The following ANK2 variants were observed in gnomAD, a reference collection of about 807,000 sequenced individuals.
ANK2 encodes ankyrin 2.
In ANK2, 83 loss-of-function variants were observed where a neutral mutation model predicts 360.5. The observed-to-expected ratio is 0.23, with a 90% CI of 0.19 to 0.28. ANK2 has a LOEUF of 0.28. Among genes scored for constraint, ANK2 ranks in the 10% least tolerant of loss-of-function variants. ANK2 has a pLI of 1.00. For missense variants in ANK2, 4,201 were observed against 4,795.7 expected, an observed-to-expected ratio of 0.88 and a Z score of 3.66; for synonymous variants, 1,740 against 1,759.5, an observed-to-expected ratio of 0.99 and a Z score of 0.28.
intron 23 of ANK2, among the ~76,000 whole-genome samples, chr4:113,309,966 T>C (rs2079075552): frequency 6.6e-6 from 1 of 152,220 alleles, no homozygotes; most frequent in South Asian, 2.1e-4. Context: ...GTGGTTGATT[T>C]GCATGTTCTA....
Position 113,237,602 on chromosome 4 carries a change from A to T in ANK2, c.673A>T (p.Met225Leu), listed in dbSNP as rs1563087315. The T allele has an allele frequency of 6.2e-7, 1 of 1,609,540 alleles. No individual in the cohort carries two copies. Among genetic ancestry groups the T allele is most frequent in the Non-Finnish European group, 8.5e-7 (1 of 1,175,902 alleles). The change falls in exon 7 of 46, where the codon ATG becomes TTG. Residue 225 changes from methionine to leucine, a missense_variant. By Grantham distance (15) the Met-to-Leu change is conservative. Coordinates refer to ENST00000357077, the MANE Select transcript of ANK2 (RefSeq NM_001148.6). ...DHNADVQSKM[M>L]VNRTTESGFT... ...CTTCCAAACAACACTGCTTCAGATGATGGTGAATAGGACAACTGAGGTACA... is the reference window on the plus strand; with the variant it reads ...CTTCCAAACAACACTGCTTCAGATGTTGGTGAATAGGACAACTGAGGTACA...
intron 2 of ANK2, among the ~76,000 whole-genome samples, chr4:113,029,575 G>C (rs1466368697): frequency 6.6e-6 from 1 of 152,004 alleles, no homozygotes; most frequent in Non-Finnish European, 1.5e-5. Context: ...CGTGGCCGGA[G>C]TTCTTCTTTA....
the ANK2 span, among the ~76,000 whole-genome samples, chr4:112,720,741 A>G: frequency 3.9e-5 from 6 of 152,230 alleles, no homozygotes; most frequent in Admixed American, 6.5e-5. Flanking sequence ...TGGTTTTATA[A>G]TGTGCTTTTA....
Position 113,356,334 on chromosome 4 carries a change from T to G in ANK2, c.7716T>G (p.Asp2572Glu), listed in dbSNP as rs1250594788. 1.2e-6 allele frequency: 2 copies of G among 1,614,072 alleles called. No homozygotes were observed. The highest frequency in any genetic ancestry group is 1.1e-5 in the South Asian group (1 of 91,078). Residue 2572 changes from aspartate to glutamate, a missense_variant, in exon 38 of 46, where the codon GAT (aspartate) becomes GAG (glutamate). By Grantham distance (45) the Asp-to-Glu change is conservative (BLOSUM62 2). Transcript: ENST00000357077. The part of the protein sequence containing the change: ...PAVIHECAEE[D>E]DSENGEKKRF... ...TGATTCATGAATGTGCAGAGGAGGA[T>G]GATTCAGAAAACGGGGAGAAAAAGA...
the ANK2 span, among the ~76,000 whole-genome samples, chr4:112,733,218 A>T: frequency 1.3e-5 from 2 of 151,914 alleles, no homozygotes; most frequent in East Asian, 1.9e-4. Flanking sequence ...GCTGCCTCAA[A>T]AATAATAATA....
Position 112,870,232 on chromosome 4 carries a change from G to A in ANK2, c.-39-34223G>A, listed in dbSNP as rs187716936. On this transcript the variant is annotated intron_variant, in intron 1 of 30. Coordinates refer to the ANK2 transcript ENST00000503271. The stretch of plus-strand genomic sequence containing the variant: ...TGGTCTTGAACTCCTGACCTCAAGT[G>A]ATCAGCCTACTTCGGCCTCCCAAAG... Among the ~76,000 whole-genome samples the A allele has an allele frequency of 2.6e-5, 4 of 152,180 alleles. No homozygotes were observed. In the East Asian group the frequency reaches 7.7e-4, roughly 29 times the overall value.
intron 1 of ANK2, among the ~76,000 whole-genome samples, chr4:112,890,857 A>G (rs969291450): frequency 6.6e-6 from 1 of 152,028 alleles, no homozygotes; most frequent in East Asian, 1.9e-4. Context: ...GTGAGCCACT[A>G]CGCCCGGCCT....
At chr4:112,831,326 C>T (rs1322427632) in intron 1 of ANK2, among the ~76,000 whole-genome samples, 1 of 152,208 alleles carries the variant, frequency 6.6e-6, no homozygotes, top group Non-Finnish European at 1.5e-5. Flanking sequence ...TGTAAATGCA[C>T]CAATCAGCAC....
At chr4:112,886,996 C>T (rs1477284901) in intron 1 of ANK2, among the ~76,000 whole-genome samples, 3 of 152,132 alleles carry the variant, frequency 2.0e-5, no homozygotes, top group East Asian at 3.8e-4. Context: ...TTAACACATT[C>T]GTCAAGATCT....
intron 2 of ANK2, among the ~76,000 whole-genome samples, chr4:113,010,145 T>G (rs754542019): frequency 3.9e-5 from 6 of 152,192 alleles, no homozygotes; most frequent in African/African-American, 9.6e-5. Context: ...TGTGTGATTC[T>G]TATTTGAAGA....
At chr4:113,252,579 C>G (rs551108384) in intron 10 of ANK2, among the ~76,000 whole-genome samples, 80 of 152,260 alleles carry the variant, frequency 5.3e-4, no homozygotes, top group Non-Finnish European at 1.0e-3. Context: ...AACCCTCTAT[C>G]TATTTCTGTG....
chr4:113,229,673 T>C (rs1012994422), intron 4 of ANK2, among the ~76,000 whole-genome samples: 1 of 152,162 alleles, frequency 6.6e-6, no homozygotes, highest in Non-Finnish European at 1.5e-5. Flanking sequence ...ATTCTGGTAA[T>C]GGAGGAGCTG....
chr4:113,019,446 T>A (rs969143026), intron 2 of ANK2, among the ~76,000 whole-genome samples: 1 of 152,058 alleles, frequency 6.6e-6, no homozygotes, highest in Non-Finnish European at 1.5e-5. Flanking sequence ...AAATCAGGTA[T>A]AATAAAACAC....
chr4:113,228,414 C>G (rs1378583046), intron 4 of ANK2, among the ~76,000 whole-genome samples: 1 of 152,164 alleles, frequency 6.6e-6, no homozygotes, highest in Non-Finnish European at 1.5e-5. Context: ...TTAGCTCCCC[C>G]TAAGAGTGAG....
Position 113,121,861 on chromosome 4 carries a change from T to TCC in ANK2, c.85-52548_85-52547dup, listed in dbSNP as rs142804573. On this transcript the variant is annotated intron_variant, in intron 1 of 45. Transcript: ENST00000357077. ...TTCTAGGATAGGCTTTGGGGAAATCTCCCCCCCCACCACATTCTTCTTGTT... is the reference window on the plus strand; with the variant it reads ...TTCTAGGATAGGCTTTGGGGAAATCTCCCCCCCCCCACCACATTCTTCTTGTT... Among the ~76,000 whole-genome samples the TCC allele has an allele frequency of 4.7e-3, 713 of 151,516 alleles. 2 individuals are homozygous for TCC. The highest frequency in any genetic ancestry group is 0.011 in the African/African-American group (438 of 41,322).
chr4:113,300,522 G>GA, intron 22 of ANK2, among the ~76,000 whole-genome samples: 1 of 152,322 alleles, frequency 6.6e-6, no homozygotes, highest in Non-Finnish European at 1.5e-5. Flanking sequence ...CAGATAAGCA[G>GA]AGAGGGCACA....
chr4:112,824,536 G>T (rs1402218538), intron 1 of ANK2, among the ~76,000 whole-genome samples: 16 of 145,192 alleles, frequency 1.1e-4, no homozygotes, highest in Admixed American at 9.8e-4. Context: ...ACGGAGTCTT[G>T]CTCTGTCACC....
At chr4:113,183,394 A>T (rs1022627018) in intron 2 of ANK2, among the ~76,000 whole-genome samples, 1 of 152,138 alleles carries the variant, frequency 6.6e-6, no homozygotes, top group African/African-American at 2.4e-5. Context: ...GTTCTTCTGC[A>T]GCTACATTCA....
At chr4:112,792,033 CTTTTTTT>C in the ANK2 span, among the ~76,000 whole-genome samples, 3 of 65,994 alleles carry the variant, frequency 4.5e-5, no homozygotes, top group African/African-American at 7.6e-5. Flanking sequence ...CACATCCTTT[CTTTTTTT>C]TTTTTTTTTT....
Sources: gnomAD v4.1 joint callset for allele counts (sites outside exome capture counted in the v4.1 genomes callset) on GRCh38, gnomAD v4.1.1 for gene constraint, MANE v1.5 for transcripts, NCBI Gene and HGNC (gene_info 2026-07-23, HGNC 2026-07-21) for gene names.